CDH4: variants seen among roughly 807,000 people sequenced by gnomAD.
CDH4 encodes the protein cadherin-4.
CDH4 carries 33 observed loss-of-function variants against 86.0 expected under a neutral mutation model. That is an observed-to-expected ratio of 0.38 (90% CI 0.29 to 0.51). The LOEUF (loss-of-function observed/expected upper bound fraction) is 0.51, where lower values mean the gene tolerates loss of function less well. Ranked by LOEUF, CDH4 falls within the 20% of genes least tolerant of loss-of-function variation. CDH4 has a pLI of 0.86. For synonymous variants in CDH4, 555 were observed against 549.4 expected (o/e 1.01, Z -0.14); for missense variants, 1,114 against 1,307.4 (o/e 0.85, Z 2.28).
rs1322785304 is a variant in CDH4 at position 61,917,576 on chromosome 20, TTGAA to T, written c.1375-5872_1375-5869del. 2.6e-5 allele frequency among the ~76,000 whole-genome samples: 4 copies of T among 152,340 alleles called. No individual in the cohort carries two copies. In the East Asian group the frequency reaches 7.7e-4, roughly 30 times the overall value. On this transcript the variant is annotated intron_variant, in intron 9 of 15. Coordinates refer to ENST00000614565, the MANE Select transcript of CDH4 (RefSeq NM_001794.5). The stretch of plus-strand genomic sequence containing the variant: ...CAAGACAGGGGCGCAGAGTGAGACT[TTGAA>T]TGGAAGCTCCTGAGCCTCCCATCGG...
chr20:61,520,322 G>C (rs558525338), intron 2 of CDH4, among the ~76,000 whole-genome samples: 7 of 152,342 alleles, frequency 4.6e-5, no homozygotes, highest in African/African-American at 1.7e-4. Flanking sequence ...GAGAGGCAGT[G>C]CTGCCTAGGA....
rs767403973 is a variant in CDH4, at chr20:61,868,622, TG to T, written c.878-5105del. ...GGGCAGATGTCCCCTCCACGCTGGC[TG>T]AGTGTCCCTCCATGCTAAGCGGTGT... is the stretch of plus-strand genomic sequence containing the variant. On this transcript the variant is annotated intron_variant, in intron 6 of 15. Transcript: ENST00000614565. Among the ~76,000 whole-genome samples, 8 of 151,932 alleles carry T rather than the reference TG, an allele frequency of 5.3e-5. No homozygotes were observed. In the East Asian group the frequency reaches 1.3e-3, roughly 26 times the overall value.
At chr20:61,468,079 A>T (rs1027050907) in intron 2 of CDH4, among the ~76,000 whole-genome samples, 1 of 152,226 alleles carries the variant, frequency 6.6e-6, no homozygotes, top group African/African-American at 2.4e-5. Flanking sequence ...AAGGAGGCTC[A>T]CTAGAGCCTC....
chr20:61,711,562 C>T (rs936422705), intron 2 of CDH4, among the ~76,000 whole-genome samples: 4 of 152,212 alleles, frequency 2.6e-5, no homozygotes, highest in South Asian at 2.1e-4. Flanking sequence ...CTTCCTCCCT[C>T]ATAAGGACGC....
chr20:61,325,486 T>A (rs375291294), intron 2 of CDH4, among the ~76,000 whole-genome samples: 2 of 151,798 alleles, frequency 1.3e-5, no homozygotes, highest in East Asian at 1.9e-4. Context: ...TTGAGAGATG[T>A]CAGAACGGGA....
intron 2 of CDH4, among the ~76,000 whole-genome samples, chr20:61,633,355 A>G (rs913491547): frequency 3.3e-5 from 5 of 151,504 alleles, no homozygotes; most frequent in Non-Finnish European, 7.4e-5. Context: ...TCATTCATCC[A>G]TCCATCTATC....
chr20:61,305,312 C>T (rs1316996514), intron 2 of CDH4, among the ~76,000 whole-genome samples: 1 of 152,072 alleles, frequency 6.6e-6, no homozygotes, highest in Non-Finnish European at 1.5e-5. Flanking sequence ...GTGCACCTGC[C>T]GTATCTTATG....
In CDH4 at chr20:61,501,528, G is replaced by C. The variant is rs556958695; in HGVS notation, c.170-242035G>C. Among the ~76,000 whole-genome samples, 16 of 152,146 alleles carry C rather than the reference G, an allele frequency of 1.1e-4. No homozygotes were observed. Among genetic ancestry groups the C allele is most frequent in the African/African-American group, 3.4e-4 (14 of 41,428 alleles). ...TGAGATTCAGGAGACGGCTGCTGCC[G>C]TCTCTGCCCCCTCATCCTTGCTGAA... On this transcript the variant is annotated intron_variant, in intron 2 of 15. Transcript: ENST00000614565. This position sits in a 1 kb window ranked among gnomAD's most constrained non-coding sequence, Gnocchi z 4.2.
intron 7 of CDH4, among the ~76,000 whole-genome samples, chr20:61,886,327 G>T (rs963802236): frequency 3.9e-5 from 6 of 152,250 alleles, no homozygotes; most frequent in African/African-American, 1.4e-4. Context: ...TCTAGGGCAG[G>T]CTGGCCGCCT....
At chr20:61,298,410 T>C (rs905399076) in intron 2 of CDH4, among the ~76,000 whole-genome samples, 3 of 152,006 alleles carry the variant, frequency 2.0e-5, no homozygotes, top group Non-Finnish European at 4.4e-5. Context: ...GAAGCCTGGC[T>C]CACTTCTCCC....
chr20:61,775,638 C>T (rs925813502), intron 4 of CDH4, among the ~76,000 whole-genome samples: 5 of 152,124 alleles, frequency 3.3e-5, no homozygotes, highest in South Asian at 2.1e-4. Context: ...GACACTTTTC[C>T]GAAACTCAAG....
At chr20:61,355,107 A>G (rs893193663) in intron 2 of CDH4, among the ~76,000 whole-genome samples, 2 of 152,198 alleles carry the variant, frequency 1.3e-5, no homozygotes, top group African/African-American at 4.8e-5. Context: ...GGCTGCAGTC[A>G]TTGAGTAGGG....
chr20:61,677,007 G>A (rs1444717791), intron 2 of CDH4, among the ~76,000 whole-genome samples: 1 of 152,192 alleles, frequency 6.6e-6, no homozygotes, highest in Non-Finnish European at 1.5e-5. Context: ...AGACCAGGAG[G>A]GTGCTGAGGA....
chr20:61,915,417 C>T (rs962749305), intron 9 of CDH4, among the ~76,000 whole-genome samples: 5 of 152,210 alleles, frequency 3.3e-5, no homozygotes, highest in African/African-American at 1.2e-4. Flanking sequence ...GAGGAGGGGA[C>T]ACGGAGGCTT....
intron 2 of CDH4, among the ~76,000 whole-genome samples, chr20:61,647,678 T>C (rs1358911643): frequency 6.6e-6 from 1 of 151,756 alleles, no homozygotes; most frequent in Admixed American, 6.6e-5. Context: ...AGGCTACTGC[T>C]GGTTTTCCAA....
intron 2 of CDH4, among the ~76,000 whole-genome samples, chr20:61,562,449 GA>G (rs2086226708): frequency 6.6e-6 from 1 of 152,160 alleles, no homozygotes; most frequent in East Asian, 1.9e-4. Context: ...CGGAGAGAGA[GA>G]GGGGCCTCCG....
At position 61,772,638 on chromosome 20, in the gene CDH4, G is replaced by A. The variant is rs2088787510; in HGVS notation, c.397-365G>A. On this transcript the variant is annotated intron_variant, in intron 3 of 15. Transcript: ENST00000614565. The stretch of plus-strand genomic sequence containing the variant: ...CTGTTTTCATAAACAGGAGTTTTGT[G>A]GGAAAACGTATTAGTCTTTTCTTTT... Among the ~76,000 whole-genome samples, 3 of 152,124 alleles carry A rather than the reference G, an allele frequency of 2.0e-5. No individual in the cohort carries two copies. The South Asian group carries it at 6.2e-4, about 32-fold the overall frequency.
At chr20:61,919,967 G>A (rs2054950937) in intron 9 of CDH4, among the ~76,000 whole-genome samples, 2 of 152,074 alleles carry the variant, frequency 1.3e-5, no homozygotes, top group Non-Finnish European at 2.9e-5. Flanking sequence ...TGATTGTGTG[G>A]AAGCGTGGTA....
chr20:61,732,103 G>A (rs1160546025), intron 2 of CDH4, among the ~76,000 whole-genome samples: 2 of 152,124 alleles, frequency 1.3e-5, no homozygotes, highest in Non-Finnish European at 2.9e-5. Flanking sequence ...TCACTGCTGG[G>A]CTGGTTCACT....
Sources: gnomAD v4.1 joint callset for allele counts (sites outside exome capture counted in the v4.1 genomes callset) on GRCh38, gnomAD v4.1.1 for gene constraint, Gnocchi (gnomAD v3.1) non-coding constraint, MANE v1.5 for transcripts, NCBI Gene and HGNC (gene_info 2026-07-23, HGNC 2026-07-21) for gene names.